The following TTC27 variants were observed in gnomAD, a reference collection of about 807,000 sequenced individuals.
TTC27 encodes tetratricopeptide repeat domain 27.
TTC27 carries 79 observed loss-of-function variants against 115.9 expected under a neutral mutation model. The ratio of observed to expected loss-of-function variants is 0.68; its 90% CI spans 0.57 to 0.82. The LOEUF is 0.82. Ranked by LOEUF, TTC27 falls within the 40% of genes least tolerant of loss-of-function variation. TTC27 has a pLI of 0.00. For synonymous variants in TTC27, 401 were observed against 356.0 expected (o/e 1.13, Z -1.42); for missense variants, 1,054 against 993.1 (o/e 1.06, Z -0.82).
At chr2:32,816,257 C>T (rs897924566) in intron 18 of TTC27, among the ~76,000 whole-genome samples, 2 of 151,382 alleles carry the variant, frequency 1.3e-5, no homozygotes, top group African/African-American at 2.4e-5. Flanking sequence ...GTTGAGGCTG[C>T]AGTGAGCCAT....
chr2:32,645,787 G>A (rs1243248677), intron 4 of TTC27, among the ~76,000 whole-genome samples: 6 of 151,810 alleles, frequency 4.0e-5, no homozygotes, highest in Non-Finnish European at 1.5e-5. Flanking sequence ...CGTGATCTCA[G>A]CTCAGTGCAA....
chr2:32,723,970 G>GTTTTTTTTTT (rs1668025651), intron 10 of TTC27, among the ~76,000 whole-genome samples: 2 of 66,288 alleles, frequency 3.0e-5, no homozygotes, highest in African/African-American at 1.4e-4. Context: ...GCATACATAA[G>GTTTTTTTTTT]CTTTTTTTTT....
At chr2:32,764,515 GT>G (rs1669558316) in intron 13 of TTC27, among the ~76,000 whole-genome samples, 1 of 152,214 alleles carries the variant, frequency 6.6e-6, no homozygotes. Context: ...GGAAGGTCTT[GT>G]CTCAGTGTTA....
chr2:32,763,011 G>A (rs1037274043), intron 13 of TTC27, among the ~76,000 whole-genome samples: 2 of 152,148 alleles, frequency 1.3e-5, no homozygotes, highest in Non-Finnish European at 2.9e-5. Flanking sequence ...ATGAAGTGAG[G>A]GAAGTCACAG....
chr2:32,667,988 A>C (rs1665854097), intron 7 of TTC27, among the ~76,000 whole-genome samples: 1 of 151,678 alleles, frequency 6.6e-6, no homozygotes, highest in South Asian at 2.1e-4. Context: ...GATTGAGACC[A>C]TCCTGGCTAA....
chr2:32,702,747 C>G (rs1667229553), intron 9 of TTC27, 60 bp from the exon 10 acceptor site: 1 of 1,101,020 alleles, frequency 9.1e-7, no homozygotes, highest in East Asian at 2.4e-5. Flanking sequence ...TTGTCCTATT[C>G]AGAATGAGAT....
chr2:32,716,687 CTA>C (rs1311406221), intron 10 of TTC27, among the ~76,000 whole-genome samples: 2 of 151,522 alleles, frequency 1.3e-5, no homozygotes, highest in Non-Finnish European at 2.9e-5. Flanking sequence ...TATGTTTGTT[CTA>C]TATGTTTTTT....
At chr2:32,683,738 A>G (rs1462612786) in intron 9 of TTC27, among the ~76,000 whole-genome samples, 1 of 152,202 alleles carries the variant, frequency 6.6e-6, no homozygotes, top group Non-Finnish European at 1.5e-5. Flanking sequence ...TAGCTGTGTT[A>G]TCTACATTAT....
At chr2:32,722,305 A>G (rs186126506) in intron 10 of TTC27, among the ~76,000 whole-genome samples, 8 of 152,322 alleles carry the variant, frequency 5.3e-5, no homozygotes, top group Admixed American at 1.3e-4. Flanking sequence ...TGTGCATTTG[A>G]AAGTTATTGA....
At chr2:32,700,006 A>G (rs1667129602) in intron 9 of TTC27, among the ~76,000 whole-genome samples, 1 of 152,200 alleles carries the variant, frequency 6.6e-6, no homozygotes, top group Non-Finnish European at 1.5e-5. Flanking sequence ...TGACAAGCCC[A>G]TGGGCTGAGC....
chr2:32,681,978 ATATGTGTGTGTG>A (rs139696939), intron 9 of TTC27, among the ~76,000 whole-genome samples: 1,819 of 137,828 alleles, frequency 0.013, 30 homozygotes, highest in South Asian at 0.025. Context: ...ATATGTATAT[ATATGTGTGTGTG>A]TGTGTGTGTG....
Position 32,787,087 on chromosome 2 carries a change from T to C in TTC27, c.1936T>C (p.Ser646Pro). 6.2e-7 allele frequency: 1 copy of C among 1,614,140 alleles called. No homozygotes were observed. The highest frequency in any genetic ancestry group is 2.2e-5 in the East Asian group (1 of 44,868). ...CACCAGCACTGACGTTGGGGAATTTTCAGAAGCCATTAAAGCTTATCACCG... is the reference window on the plus strand; with the variant it reads ...CACCAGCACTGACGTTGGGGAATTTCCAGAAGCCATTAAAGCTTATCACCG... The part of the protein sequence containing the change: ...ILTSTDVGEF[S>P]EAIKAYHRLL... Residue 646 changes from serine (S) to proline (P), a missense_variant, in exon 16 of 20, where the codon TCA becomes CCA. Physicochemically the swap from Ser to Pro is moderately conservative, Grantham distance 74. Coordinates refer to ENST00000317907, the MANE Select transcript of TTC27 (RefSeq NM_017735.5).
chr2:32,673,465 G>T (rs548655438), intron 8 of TTC27, among the ~76,000 whole-genome samples: 2 of 152,152 alleles, frequency 1.3e-5, no homozygotes, highest in East Asian at 3.9e-4. Context: ...GACCTCAGCT[G>T]ATCCGCCCGC....
intron 3 of TTC27, among the ~76,000 whole-genome samples, chr2:32,634,836 T>C (rs1048534622): frequency 1.3e-5 from 2 of 151,436 alleles, no homozygotes; most frequent in East Asian, 3.9e-4. Flanking sequence ...TTTGTATTTT[T>C]ACTAGATGTG....
chr2:32,770,522 T>C (rs1284473256), intron 13 of TTC27, among the ~76,000 whole-genome samples: 1 of 152,186 alleles, frequency 6.6e-6, no homozygotes, highest in African/African-American at 2.4e-5. Context: ...AGGTTTGAAC[T>C]TTTTTCATCC....
chr2:32,680,737 T>C (rs76663394), intron 9 of TTC27, among the ~76,000 whole-genome samples: 5,370 of 152,278 alleles, frequency 0.035, 181 homozygotes, highest in African/African-American at 0.091. Flanking sequence ...AGGAAATGTT[T>C]CTGCTGGCCA....
In TTC27 at chr2:32,795,046, A is replaced by G. The variant is rs1670650601; in HGVS notation, c.1998+7897A>G. On this transcript the variant is annotated intron_variant, in intron 16 of 19. Transcript: ENST00000317907. ...CAACAATCTTTCTTAAACTTTTCCA[A>G]AAAATTGAGGAGGAAGGAACACCTC... Among the ~76,000 whole-genome samples, 3 of 152,058 alleles carry G rather than the reference A, an allele frequency of 2.0e-5. No homozygotes were observed. In the South Asian group the frequency reaches 6.2e-4, roughly 31 times the overall value.
At chr2:32,725,758 C>T (rs111523558) in intron 10 of TTC27, among the ~76,000 whole-genome samples, 162 of 152,312 alleles carry the variant, frequency 1.1e-3, no homozygotes, top group Middle Eastern at 6.8e-3. Flanking sequence ...GTGGTGGCTC[C>T]GACCCCACAT....
chr2:32,643,280 A>G (rs1380109744), intron 4 of TTC27, among the ~76,000 whole-genome samples: 1 of 151,794 alleles, frequency 6.6e-6, no homozygotes, highest in Non-Finnish European at 1.5e-5. Context: ...AAGACTGACG[A>G]TTACTTTGCT....
Sources: gnomAD v4.1 joint callset for allele counts (sites outside exome capture counted in the v4.1 genomes callset) on GRCh38, gnomAD v4.1.1 for gene constraint, MANE v1.5 for transcripts, NCBI Gene and HGNC (gene_info 2026-07-23, HGNC 2026-07-21) for gene names.